Variants in NSUN4 observed in about 807,000 individuals in gnomAD.
The protein encoded by NSUN4 is 5-cytosine rRNA methyltransferase NSUN4.
Under a neutral mutation model 43.8 loss-of-function variants are expected in NSUN4, and 31 were observed. The observed-to-expected ratio is 0.71, with a 90% CI of 0.53 to 0.96. The LOEUF (loss-of-function observed/expected upper bound fraction) is 0.96, where lower values mean the gene tolerates loss of function less well. NSUN4 is among the 40% of genes least tolerant of loss of function. The probability of loss-of-function intolerance (pLI) is 0.00; values close to 1 mark genes in which losing one functional copy is unlikely to be tolerated. For missense variants in NSUN4, 439 were observed against 475.6 expected (o/e 0.92, Z 0.72); for synonymous variants, 167 against 184.1 (o/e 0.91, Z 0.75).
intron 4 of NSUN4, 89 bp downstream of exon 4, chr1:46,353,117 C>A: frequency 7.9e-7 from 1 of 1,266,716 alleles, no homozygotes; most frequent in South Asian, 1.3e-5. Context: ...GATCCAGCCC[C>A]TATGTTTGAG....
rs781620127 is a variant in NSUN4 at position 46,352,883 on chromosome 1, A to G, written c.608A>G (p.Asn203Ser). Residue 203 changes from asparagine (N) to serine (S), a missense_variant, in exon 4 of 6, where the codon AAT (asparagine) becomes AGT (serine). Asn to Ser is a conservative substitution (Grantham distance 46). Transcript: ENST00000474844. ...ATTTCCATAGGCAATCTTGCTGCCAATGATCTCTCCCCGTCCCGAATAGCC... is the reference window on the plus strand; with the variant it reads ...ATTTCCATAGGCAATCTTGCTGCCAGTGATCTCTCCCCGTCCCGAATAGCC... ...QTGCCRNLAA[N>S]DLSPSRIARL... 29 of 1,613,922 alleles carry G rather than the reference A, an allele frequency of 1.8e-5. No individual in the cohort carries two copies. Among genetic ancestry groups the G allele is most frequent in the East Asian group, 2.2e-5 (1 of 44,888 alleles).
the NSUN4 span, among the ~76,000 whole-genome samples, chr1:46,376,096 T>TAAAA: frequency 1.5e-3 from 62 of 40,888 alleles, 7 homozygotes; most frequent in African/African-American, 4.9e-3. Flanking sequence ...AGAGCGAAAC[T>TAAAA]AAAAAAAAAA....
chr1:46,378,035 T>C, the NSUN4 span, among the ~76,000 whole-genome samples: 1 of 152,116 alleles, frequency 6.6e-6, no homozygotes, highest in East Asian at 1.9e-4. Flanking sequence ...TAGGTGTCCA[T>C]GTTACAGAGG....
chr1:46,340,972 A>T, intron 1 of NSUN4, 53 bp downstream of exon 1: 1 of 1,486,394 alleles, frequency 6.7e-7, no homozygotes, highest in Non-Finnish European at 9.2e-7. Flanking sequence ...AAACTTCTCC[A>T]GTCTTTCCGT....
At chr1:46,348,332 CCTA>C (rs1262907220) in intron 3 of NSUN4, among the ~76,000 whole-genome samples, 1 of 152,220 alleles carries the variant, frequency 6.6e-6, no homozygotes, top group Non-Finnish European at 1.5e-5. Context: ...ATGCCTGTCT[CCTA>C]CGCTCCCACA....
In NSUN4 at chr1:46,358,398, A is replaced by ATTTT. The variant is rs34719174; in HGVS notation, c.754-2287_754-2284dup. Among the ~76,000 whole-genome samples the ATTTT allele has an allele frequency of 1.8e-4, 17 of 95,456 alleles. 1 individual carries two copies. Among genetic ancestry groups the ATTTT allele is most frequent in the African/African-American group, 1.3e-4 (3 of 23,158 alleles). 62.6% of individuals were successfully genotyped at this position (95,456 alleles called of 152,430 possible). On this transcript the variant is annotated intron_variant, in intron 4 of 5. Coordinates refer to ENST00000474844, the MANE Select transcript of NSUN4 (RefSeq NM_199044.4). ...GGCATGAGCTACTGCTCCTGGCCTA[A>ATTTT]TTTTTTTTTTTTTTTTTTTTTTGAG...
At chr1:46,344,465 G>A (rs1428868089) in intron 1 of NSUN4, among the ~76,000 whole-genome samples, 1 of 152,176 alleles carries the variant, frequency 6.6e-6, no homozygotes, top group African/African-American at 2.4e-5. Flanking sequence ...GCTTCCCAGA[G>A]CCTCCATAGT....
chr1:46,340,811 C>A lies in NSUN4; in HGVS notation c.-16C>A, dbSNP rs1446587349. On this transcript the variant is annotated 5_prime_UTR_variant, in exon 1 of 6. Transcript: ENST00000474844. Reference sequence around the variant, plus strand: ...GTCGCGGTTCCGGTCGGAATTACCCCGTGGAGCACGCCGATATGGCTGCGC... The same window carrying A: ...GTCGCGGTTCCGGTCGGAATTACCCAGTGGAGCACGCCGATATGGCTGCGC... The A allele has an allele frequency of 6.2e-7, 1 of 1,603,966 alleles. No homozygotes were observed.
the NSUN4 span, among the ~76,000 whole-genome samples, chr1:46,371,393 C>T: frequency 2.0e-5 from 3 of 151,338 alleles, no homozygotes; most frequent in East Asian, 5.8e-4. Flanking sequence ...GCAAGCTCCA[C>T]CTCCTGGGTT....
At chr1:46,381,388 A>T in the NSUN4 span, among the ~76,000 whole-genome samples, 1 of 152,184 alleles carries the variant, frequency 6.6e-6, no homozygotes, top group Non-Finnish European at 1.5e-5. Context: ...GTGGCCACTC[A>T]CTGTGACTTG....
intron 4 of NSUN4, among the ~76,000 whole-genome samples, chr1:46,355,303 C>T (rs10157084): frequency 0.22 from 34,101 of 152,100 alleles, 4,293 homozygotes; most frequent in Non-Finnish European, 0.29. Context: ...TGAACACTTA[C>T]AATGTTAGGA....
chr1:46,381,959 G>T, the NSUN4 span, among the ~76,000 whole-genome samples: 3 of 152,206 alleles, frequency 2.0e-5, no homozygotes, highest in African/African-American at 7.2e-5. Flanking sequence ...AGACAGAAAC[G>T]CGAGGATTTG....
chr1:46,369,617 T>A (rs1386405811), downstream of NSUN4, among the ~76,000 whole-genome samples: 1 of 152,016 alleles, frequency 6.6e-6, no homozygotes, highest in Non-Finnish European at 1.5e-5. Flanking sequence ...AGGAGTTAAA[T>A]TAGTGAGGCA....
the NSUN4 span, among the ~76,000 whole-genome samples, chr1:46,381,998 G>C: frequency 6.6e-6 from 1 of 152,194 alleles, no homozygotes; most frequent in Non-Finnish European, 1.5e-5. Flanking sequence ...TCAAGAGCCT[G>C]ACTCAAGGCC....
chr1:46,360,249 A>AAAAAATAT (rs1553177947), intron 4 of NSUN4, among the ~76,000 whole-genome samples: 3 of 25,766 alleles, frequency 1.2e-4, no homozygotes, highest in African/African-American at 3.9e-4. Flanking sequence ...AAAAAAAAAA[A>AAAAAATAT]ATATATATAT....
At chr1:46,361,439 A>T in intron 5 of NSUN4, 131 bp from the exon 6 acceptor site, 1 of 758,134 alleles carries the variant, frequency 1.3e-6, no homozygotes, top group Non-Finnish European at 2.1e-6. Flanking sequence ...TGTGGAAGGG[A>T]CTTGAGAGGC....
chr1:46,371,455 G>A, the NSUN4 span, among the ~76,000 whole-genome samples: 81 of 152,130 alleles, frequency 5.3e-4, no homozygotes, highest in African/African-American at 1.8e-3. Flanking sequence ...ACAGGTGCCT[G>A]CCTCCACGCC....
At chr1:46,369,092 C>G (rs1202669703), downstream of NSUN4, among the ~76,000 whole-genome samples, 1 of 152,292 alleles carries the variant, frequency 6.6e-6, no homozygotes, top group East Asian at 1.9e-4. Flanking sequence ...AATGCCTTTT[C>G]CCTTGTGCTT....
rs183784076 is a variant in NSUN4 at position 46,349,119 on chromosome 1, A to G, written c.592+2044A>G. 4.9e-5 allele frequency among the ~76,000 whole-genome samples: 7 copies of G among 144,166 alleles called. No individual in the cohort carries two copies. In the East Asian group the frequency reaches 1.5e-3, roughly 30 times the overall value. The allele number at this position is 144,166 out of a possible 152,430, so 94.6% of individuals were successfully genotyped here. A position where few individuals can be genotyped will look rare whatever the true frequency, so the allele number is the denominator to read the frequency against. The stretch of plus-strand genomic sequence containing the variant: ...TGAACCACCGCGCCCAGTCTTGTGC[A>G]CTGTTTTTTTTGGTTTGTTTTTTTG... On this transcript the variant is annotated intron_variant, in intron 3 of 5. Coordinates refer to ENST00000474844, the MANE Select transcript of NSUN4 (RefSeq NM_199044.4).
Sources: gnomAD v4.1 joint callset for allele counts (sites outside exome capture counted in the v4.1 genomes callset) on GRCh38, gnomAD v4.1.1 for gene constraint, MANE v1.5 for transcripts, NCBI Gene and HGNC (gene_info 2026-07-23, HGNC 2026-07-21) for gene names.